The following MGMT variants were observed in gnomAD, a reference collection of about 807,000 sequenced individuals.
The protein encoded by MGMT is O-6-methylguanine-DNA methyltransferase.
Under a neutral mutation model 15.9 loss-of-function variants are expected in MGMT, and 14 were observed. The ratio of observed to expected loss-of-function variants is 0.88; its 90% CI spans 0.58 to 1.37. The LOEUF (loss-of-function observed/expected upper bound fraction) is 1.37, where lower values mean the gene tolerates loss of function less well. Among genes scored for constraint, MGMT ranks in the 40% most tolerant of loss-of-function variants. The pLI is 0.00. For synonymous variants in MGMT, 130 were observed against 118.2 expected (o/e 1.10, Z -0.65); for missense variants, 282 against 268.1 (o/e 1.05, Z -0.36).
chr10:129,706,968 G>T (rs1848170612), intron 2 of MGMT, among the ~76,000 whole-genome samples: 1 of 152,124 alleles, frequency 6.6e-6, no homozygotes, highest in Admixed American at 6.5e-5. Context: ...AGAGTGTCCA[G>T]AAAGAACCAA....
chr10:129,561,176 A>G (rs946096188), intron 2 of MGMT, among the ~76,000 whole-genome samples: 1 of 152,108 alleles, frequency 6.6e-6, no homozygotes, highest in African/African-American at 2.4e-5. Flanking sequence ...CTATTAACCA[A>G]TCTCACGTAT....
intron 2 of MGMT, among the ~76,000 whole-genome samples, chr10:129,587,951 T>G (rs1363293160): frequency 6.6e-6 from 1 of 152,228 alleles, no homozygotes; most frequent in Non-Finnish European, 1.5e-5. Flanking sequence ...CTAGGTTATT[T>G]ATTTAATAAA....
chr10:129,502,820 AG>A (rs1354844292), intron 1 of MGMT, among the ~76,000 whole-genome samples: 2 of 152,190 alleles, frequency 1.3e-5, no homozygotes, highest in Non-Finnish European at 2.9e-5. Flanking sequence ...GAACAAAATG[AG>A]GAATAGAAAA....
chr10:129,619,151 G>C (rs1564739004), intron 2 of MGMT, among the ~76,000 whole-genome samples: 1 of 152,102 alleles, frequency 6.6e-6, no homozygotes, highest in Non-Finnish European at 1.5e-5. Flanking sequence ...TGTAGGCTGA[G>C]AGTTTTATTA....
intron 1 of MGMT, among the ~76,000 whole-genome samples, chr10:129,483,880 A>G (rs1442974112): frequency 1.3e-5 from 2 of 152,084 alleles, no homozygotes; most frequent in African/African-American, 4.8e-5. Context: ...AGGTAGATAA[A>G]TAGATATATA....
chr10:129,767,983 G>A lies in MGMT; in HGVS notation c.*986G>A, dbSNP rs1174140268. ...AATTAACTATATCCAAAAGCCGGAA[G>A]GGAAACCTGTAGCTCTGCATATGGA... On this transcript the variant is annotated 3_prime_UTR_variant, in exon 5 of 5. Coordinates refer to ENST00000651593, the MANE Select transcript of MGMT (RefSeq NM_002412.5). The A allele has an allele frequency of 2.0e-5, 3 of 152,240 alleles. No homozygotes were observed. The highest frequency in any genetic ancestry group is 2.9e-5 in the Non-Finnish European group (2 of 68,046). 9.4% of individuals were successfully genotyped at this position (152,240 alleles called of 1,614,324 possible). A position where few individuals can be genotyped will look rare whatever the true frequency, so the allele number is the denominator to read the frequency against.
intron 2 of MGMT, among the ~76,000 whole-genome samples, chr10:129,621,349 C>G (rs1022249622): frequency 6.6e-6 from 1 of 152,338 alleles, no homozygotes; most frequent in Admixed American, 6.5e-5. Flanking sequence ...TATAGACTCT[C>G]AAATACATGG....
chr10:129,498,015 A>C (rs1430389556), intron 1 of MGMT, among the ~76,000 whole-genome samples: 1 of 152,244 alleles, frequency 6.6e-6, no homozygotes, highest in Non-Finnish European at 1.5e-5. Context: ...AAGACGTCTA[A>C]CTTGTGACAG....
At chr10:129,486,102 A>G (rs1160637998) in intron 1 of MGMT, among the ~76,000 whole-genome samples, 5 of 151,740 alleles carry the variant, frequency 3.3e-5, no homozygotes, top group African/African-American at 4.8e-5. Context: ...GAAGAAAACT[A>G]ATTTACCTTC....
chr10:129,733,796 G>A (rs2133164987), intron 3 of MGMT, among the ~76,000 whole-genome samples: 2 of 152,228 alleles, frequency 1.3e-5, no homozygotes, highest in South Asian at 4.1e-4. Context: ...AGTTTTCCCA[G>A]CACCATTTAT....
At chr10:129,617,739 G>C (rs556085463) in intron 2 of MGMT, among the ~76,000 whole-genome samples, 8 of 152,238 alleles carry the variant, frequency 5.3e-5, no homozygotes, top group African/African-American at 1.9e-4. Flanking sequence ...CTTTTGAAAA[G>C]TGTTTGTTCA....
rs191652703 is a variant in MGMT, at chr10:129,617,973, C to G, written c.125+81596C>G. On this transcript the variant is annotated intron_variant, in intron 2 of 4. Coordinates refer to ENST00000651593, the MANE Select transcript of MGMT (RefSeq NM_002412.5). ...CAGCCCATGAACTTGCTGTGAGGAC[C>G]CCTCCTGCCATATACCCTCCTGGGT... 3.3e-5 allele frequency among the ~76,000 whole-genome samples: 5 copies of G among 151,670 alleles called. No homozygotes were observed. The East Asian group carries it at 9.8e-4, about 30-fold the overall frequency.
At chr10:129,752,319 C>T (rs1450438860) in intron 3 of MGMT, among the ~76,000 whole-genome samples, 1 of 151,844 alleles carries the variant, frequency 6.6e-6, no homozygotes, top group Non-Finnish European at 1.5e-5. Flanking sequence ...TTTGTGTTTG[C>T]ATGGTATATC....
At chr10:129,724,511 T>A (rs1848410303) in intron 3 of MGMT, among the ~76,000 whole-genome samples, 1 of 152,182 alleles carries the variant, frequency 6.6e-6, no homozygotes, top group Non-Finnish European at 1.5e-5. Flanking sequence ...CATCAAATGA[T>A]GTTGAAGATG....
chr10:129,484,106 G>A (rs1287969468), intron 1 of MGMT, among the ~76,000 whole-genome samples: 1 of 152,194 alleles, frequency 6.6e-6, no homozygotes, highest in Non-Finnish European at 1.5e-5. Context: ...TTGTGTTGGT[G>A]CAGTTTTTGG....
At chr10:129,565,881 C>T (rs571305747) in intron 2 of MGMT, among the ~76,000 whole-genome samples, 4 of 152,196 alleles carry the variant, frequency 2.6e-5, no homozygotes, top group Non-Finnish European at 4.4e-5. Context: ...TTCCAGAGGT[C>T]CTGGTGCTTT....
At chr10:129,475,422 C>T (rs891402104) in intron 1 of MGMT, among the ~76,000 whole-genome samples, 1 of 152,088 alleles carries the variant, frequency 6.6e-6, no homozygotes, top group South Asian at 2.1e-4. Context: ...GCGGATGCTG[C>T]GGGTCTTATA....
At chr10:129,744,916 C>G (rs947736429) in intron 3 of MGMT, among the ~76,000 whole-genome samples, 2 of 152,294 alleles carry the variant, frequency 1.3e-5, no homozygotes, top group Middle Eastern at 3.4e-3. Context: ...GCTGACACCA[C>G]CCACCTTGCT....
intron 2 of MGMT, among the ~76,000 whole-genome samples, chr10:129,690,957 T>G (rs1004341936): frequency 2.0e-5 from 3 of 152,184 alleles, no homozygotes; most frequent in Non-Finnish European, 4.4e-5. Context: ...TGTCTGGTTT[T>G]GGCAGGTTCT....
Sources: allele counts gnomAD v4.1 joint callset (sites outside exome capture counted in the v4.1 genomes callset), GRCh38; gene constraint gnomAD v4.1.1; transcripts MANE v1.5; gene names NCBI Gene and HGNC (gene_info 2026-07-23, HGNC 2026-07-21).